The following RHOT1 variants were observed in gnomAD, a reference collection of about 807,000 sequenced individuals.
RHOT1 encodes the protein ras homolog family member T1.
Under a neutral mutation model 95.3 loss-of-function variants are expected in RHOT1, and 27 were observed. The ratio of observed to expected loss-of-function variants is 0.28; its 90% confidence interval spans 0.21 to 0.39. RHOT1 has a LOEUF of 0.39. RHOT1 is among the 10% of genes least tolerant of loss of function. The probability of loss-of-function intolerance (pLI) is 1.00; values close to 1 mark genes in which losing one functional copy is unlikely to be tolerated. For synonymous variants in RHOT1, 227 were observed against 263.5 expected (o/e 0.86, Z 1.34); for missense variants, 578 against 786.7 (o/e 0.73, Z 3.17).
intron 1 of RHOT1, among the ~76,000 whole-genome samples, chr17:32,146,295 A>G (rs2031313251): frequency 6.6e-6 from 1 of 152,138 alleles, no homozygotes; most frequent in Non-Finnish European, 1.5e-5. Flanking sequence ...AGTGGCTAGA[A>G]CAGACCTGGC....
intron 19 of RHOT1, among the ~76,000 whole-genome samples, chr17:32,219,250 C>T: frequency 6.6e-6 from 1 of 152,070 alleles, no homozygotes; most frequent in Admixed American, 6.5e-5. Flanking sequence ...TTTTCTTTTC[C>T]TCTGCATAAT....
chr17:32,145,835 C>T (rs1036177987), intron 1 of RHOT1, among the ~76,000 whole-genome samples: 3 of 151,988 alleles, frequency 2.0e-5, no homozygotes, highest in Non-Finnish European at 4.4e-5. Flanking sequence ...GGCAACATGA[C>T]GAACCCTCAT....
At chr17:32,208,765 C>T in intron 18 of RHOT1, 1 of 160,466 alleles carries the variant, frequency 6.2e-6, no homozygotes, top group East Asian at 1.8e-4. Context: ...TAGGATATGT[C>T]TTTTTTAAGT....
chr17:32,170,375 A>C (rs1358888578), intron 1 of RHOT1, among the ~76,000 whole-genome samples: 2 of 152,172 alleles, frequency 1.3e-5, no homozygotes, highest in Non-Finnish European at 1.5e-5. Context: ...AGATTGCGCC[A>C]CTGCACTCTA....
At chr17:32,207,118 G>A in intron 17 of RHOT1, 89 bp downstream of exon 17, 1 of 1,237,322 alleles carries the variant, frequency 8.1e-7, no homozygotes, top group Admixed American at 2.4e-5. Context: ...CCACAAAAAT[G>A]CAACAAAATC....
Position 32,201,155 on chromosome 17 carries a change from T to G in RHOT1, c.1201+99T>G, listed in dbSNP as rs1259760860. ...GTAAGAATACACTCATCTTCATTAG[T>G]CTTCCATCTACACTCTATTAGTTTT... On this transcript the variant is annotated intron_variant, in intron 14 of 19. Transcript: ENST00000545287. 1.6e-5 allele frequency: 10 copies of G among 643,828 alleles called. No individual in the cohort carries two copies. The East Asian group carries it at 2.6e-4, about 17-fold the overall frequency. The allele number at this position is 643,828 out of a possible 1,614,324, so 39.9% of individuals were successfully genotyped here. A position where few individuals can be genotyped will look rare whatever the true frequency, so the allele number is the denominator to read the frequency against.
At chr17:32,142,992 A>G (rs2142320561) in intron 1 of RHOT1, 7 of 705,456 alleles carry the variant, frequency 9.9e-6, no homozygotes, top group Non-Finnish European at 1.8e-5. Flanking sequence ...CCGTCCTCCC[A>G]AGCCATGTCC....
chr17:32,221,370 C>CAA (rs397805349), intron 19 of RHOT1, among the ~76,000 whole-genome samples: 32 of 68,000 alleles, frequency 4.7e-4, no homozygotes, highest in African/African-American at 1.3e-3. Flanking sequence ...TCGTCTGTCT[C>CAA]AAAAAAAAAA....
intron 1 of RHOT1, among the ~76,000 whole-genome samples, chr17:32,165,618 T>A (rs899196273): frequency 6.6e-6 from 1 of 152,168 alleles, no homozygotes; most frequent in Non-Finnish European, 1.5e-5. Context: ...ATCCAGTGGT[T>A]TTTTCTATGC....
At chr17:32,143,418 A>C (rs1276896695) in intron 1 of RHOT1, among the ~76,000 whole-genome samples, 1 of 152,178 alleles carries the variant, frequency 6.6e-6, no homozygotes, top group African/African-American at 2.4e-5. Flanking sequence ...CTCAACTTCG[A>C]GTTATGCAAG....
chr17:32,173,108 T>C (rs910486874), intron 2 of RHOT1: 7 of 152,248 alleles, frequency 4.6e-5, no homozygotes, highest in African/African-American at 1.7e-4. Context: ...TCTATGTAGA[T>C]AGAAATACGC....
At chr17:32,202,406 G>A (rs934963678) in intron 14 of RHOT1, among the ~76,000 whole-genome samples, 13 of 152,080 alleles carry the variant, frequency 8.5e-5, no homozygotes, top group Admixed American at 7.2e-4. Flanking sequence ...ATATGTGACA[G>A]TTTATCACAG....
At chr17:32,167,528 G>A (rs28794318) in intron 1 of RHOT1, among the ~76,000 whole-genome samples, 27,699 of 151,954 alleles carry the variant, frequency 0.18, 2,623 homozygotes, top group South Asian at 0.26. Context: ...CCAAGTAGCC[G>A]GGATTACAGG....
At position 32,208,088 on chromosome 17, in the gene RHOT1, T is replaced by C; in HGVS notation, c.1537-19T>C. 1 of 1,606,344 alleles carries C rather than the reference T, an allele frequency of 6.2e-7. No homozygotes were observed. Among genetic ancestry groups the C allele is most frequent in the Non-Finnish European group, 8.5e-7 (1 of 1,173,414 alleles). On this transcript the variant is annotated intron_variant, in intron 17 of 19. Transcript: ENST00000545287. ...TTTGAACTTGTTATCAGATTTTGATTTCATTTTTTATTCCATAGCAACACT... is the reference window on the plus strand; with the variant it reads ...TTTGAACTTGTTATCAGATTTTGATCTCATTTTTTATTCCATAGCAACACT...
intron 3 of RHOT1, among the ~76,000 whole-genome samples, chr17:32,174,132 G>T (rs1026019152): frequency 2.0e-5 from 3 of 151,980 alleles, no homozygotes; most frequent in Non-Finnish European, 4.4e-5. Flanking sequence ...TACTAAGTTG[G>T]GTTCCATAAT....
chr17:32,149,621 A>ATGTGTGTGTG (rs1469506893), intron 1 of RHOT1, among the ~76,000 whole-genome samples: 28 of 84,382 alleles, frequency 3.3e-4, no homozygotes, highest in African/African-American at 1.6e-3. Flanking sequence ...ATATATATAT[A>ATGTGTGTGTG]TATATATATA....
chr17:32,162,563 AC>A (rs2033660620), intron 1 of RHOT1, among the ~76,000 whole-genome samples: 1 of 152,152 alleles, frequency 6.6e-6, no homozygotes, highest in South Asian at 2.1e-4. Flanking sequence ...AGGAGGTGGG[AC>A]CAGTTTCGTT....
chr17:32,175,887 A>G, intron 4 of RHOT1, 75 bp from the exon 5 acceptor site: 1 of 975,850 alleles, frequency 1.0e-6, no homozygotes, highest in Non-Finnish European at 1.5e-6. Flanking sequence ...CGAATATATT[A>G]ATAAGTTGCT....
intron 1 of RHOT1, among the ~76,000 whole-genome samples, chr17:32,152,650 G>A (rs546403382): frequency 1.3e-5 from 2 of 152,106 alleles, no homozygotes; most frequent in East Asian, 3.9e-4. Context: ...GCCATGGTGA[G>A]GGAGGGAACT....
Sources: gnomAD v4.1 joint callset for allele counts (sites outside exome capture counted in the v4.1 genomes callset) on GRCh38, gnomAD v4.1.1 for gene constraint, MANE v1.5 for transcripts, NCBI Gene and HGNC (gene_info 2026-07-23, HGNC 2026-07-21) for gene names.